WNK2: variants seen among roughly 807,000 people sequenced by gnomAD.
WNK2 encodes the protein serine/threonine-protein kinase WNK2.
A neutral mutation model predicts 192.1 loss-of-function variants in WNK2; 67 were observed. That is an observed-to-expected ratio of 0.35 (90% CI 0.29 to 0.43). WNK2 has a LOEUF of 0.43. Ranked by LOEUF, WNK2 falls within the 20% of genes least tolerant of loss-of-function variation. The probability of loss-of-function intolerance (pLI) is 1.00; values close to 1 mark genes in which losing one functional copy is unlikely to be tolerated. For missense variants in WNK2, 2,698 were observed against 3,089.7 expected (o/e 0.87, Z 3.01); for synonymous variants, 1,439 against 1,393.9 (o/e 1.03, Z -0.72).
At chr9:93,226,657 T>C (rs1228024404) in intron 2 of WNK2, among the ~76,000 whole-genome samples, 1 of 152,212 alleles carries the variant, frequency 6.6e-6, no homozygotes, top group Non-Finnish European at 1.5e-5. Context: ...TAACCATTAT[T>C]CTGATGGCAT....
chr9:93,310,463 A>G (rs796930530), intron 28 of WNK2, among the ~76,000 whole-genome samples: 6 of 152,194 alleles, frequency 3.9e-5, no homozygotes, highest in African/African-American at 1.4e-4. Flanking sequence ...ATATATATAT[A>G]TAAAACACAA....
intron 2 of WNK2, among the ~76,000 whole-genome samples, chr9:93,204,062 G>GC (rs1195201289): frequency 6.6e-6 from 1 of 152,072 alleles, no homozygotes; most frequent in Non-Finnish European, 1.5e-5. Flanking sequence ...TGGTGGGGGT[G>GC]TGGGGGCTGT....
In WNK2 at chr9:93,193,280, G is replaced by A. The variant is rs1397609179; in HGVS notation, c.681+7670G>A. Reference sequence around the variant, plus strand: ...GCCATGGGAGGGCACCTGTTTCTGCGAGCCTCGGTTTACCCTTTTGTGCAG... The same window carrying A: ...GCCATGGGAGGGCACCTGTTTCTGCAAGCCTCGGTTTACCCTTTTGTGCAG... On this transcript the variant is annotated intron_variant, in intron 2 of 29. Coordinates refer to ENST00000427277, the MANE Select transcript of WNK2 (RefSeq NM_006648.4). Among the ~76,000 whole-genome samples the A allele has an allele frequency of 2.6e-5, 4 of 152,190 alleles. No homozygotes were observed. The East Asian group carries it at 5.8e-4, about 22-fold the overall frequency.
chr9:93,254,418 G>A (rs372075470), intron 9 of WNK2, among the ~76,000 whole-genome samples: 5 of 152,176 alleles, frequency 3.3e-5, no homozygotes, highest in African/African-American at 4.8e-5. Context: ...TCGGCTGAGC[G>A]TGGGCACATG....
intron 5 of WNK2, among the ~76,000 whole-genome samples, 154 bp from the exon 6 acceptor site, chr9:93,238,079 T>G (rs1159025930): frequency 1.3e-5 from 2 of 152,202 alleles, no homozygotes; most frequent in African/African-American, 4.8e-5. Context: ...GTCATCCGTT[T>G]CACATATTTT....
intron 19 of WNK2, among the ~76,000 whole-genome samples, chr9:93,286,659 G>T (rs1426710078): frequency 6.6e-6 from 1 of 152,118 alleles, no homozygotes; most frequent in Non-Finnish European, 1.5e-5. Context: ...CCCACTGCTG[G>T]GTATATATTC....
chr9:93,188,041 G>A (rs2040093), intron 2 of WNK2, among the ~76,000 whole-genome samples: 2 of 151,592 alleles, frequency 1.3e-5, no homozygotes, highest in Admixed American at 6.6e-5. Context: ...GCACATGACC[G>A]CTAGCATTCT....
intron 19 of WNK2, among the ~76,000 whole-genome samples, chr9:93,274,340 G>A (rs1013630237): frequency 1.8e-4 from 27 of 151,912 alleles, no homozygotes; most frequent in Admixed American, 1.1e-3. Flanking sequence ...GTGAAACCCC[G>A]TCTCTACTAA....
chr9:93,215,879 T>G (rs1835652340), intron 2 of WNK2, among the ~76,000 whole-genome samples: 1 of 152,234 alleles, frequency 6.6e-6, no homozygotes, highest in Non-Finnish European at 1.5e-5. Flanking sequence ...CCTGATCTTC[T>G]TGGTCATTTT....
intron 9 of WNK2, 48 bp downstream of exon 9, chr9:93,253,130 G>T: frequency 7.5e-7 from 1 of 1,342,174 alleles, no homozygotes; most frequent in Non-Finnish European, 9.6e-7. Context: ...CCATTACCTG[G>T]TCTGAGGGCC....
Position 93,256,267 on chromosome 9 carries a change from G to C in WNK2, c.2035-32G>C, listed in dbSNP as rs374882825. On this transcript the variant is annotated intron_variant, in intron 9 of 29. Coordinates refer to ENST00000427277, the MANE Select transcript of WNK2 (RefSeq NM_006648.4). ...GGAGGGGGCCTGGTGGCCGAGAGCT[G>C]CTGCTGAGTGTGGCCCTGGTGCTCT... The C allele has an allele frequency of 3.7e-4, 553 of 1,475,976 alleles. 1 individual carries two copies. The highest frequency in any genetic ancestry group is 4.6e-4 in the Non-Finnish European group (509 of 1,114,572). 91.4% of individuals were successfully genotyped at this position (1,475,976 alleles called of 1,614,324 possible).
At chr9:93,205,882 G>A (rs1417145970) in intron 2 of WNK2, among the ~76,000 whole-genome samples, 1 of 152,126 alleles carries the variant, frequency 6.6e-6, no homozygotes, top group African/African-American at 2.4e-5. Flanking sequence ...GGGCCAGTGG[G>A]TCTCAGGCTC....
intron 6 of WNK2, 51 bp downstream of exon 6, chr9:93,238,372 A>T: frequency 6.5e-7 from 1 of 1,543,864 alleles, no homozygotes; most frequent in Non-Finnish European, 8.9e-7. Flanking sequence ...AGCTGAACTC[A>T]TTCCAGCTTG....
At position 93,247,807 on chromosome 9, in the gene WNK2, T is replaced by C. The variant is rs915397226; in HGVS notation, c.1807T>C (p.Leu603=). The change falls in exon 8 of 30, where the codon TTG becomes CTG. Residue 603 remains leucine (L), a synonymous_variant. Transcript: ENST00000427277. This position sits in a 1 kb window ranked among gnomAD's most constrained non-coding sequence, Gnocchi z 5.2. ...EADQHLLPPT[L]PTSATSLASD... ...CGACCAGCACCTCCTGCCACCTACG[T>C]TGCCGACCAGCGCCACCTCCCTGGC... 9 of 1,542,132 alleles carry C rather than the reference T, an allele frequency of 5.8e-6. No homozygotes were observed. In the African/African-American group the frequency reaches 9.6e-5, roughly 16 times the overall value.
At chr9:93,311,922 G>A (rs139878527) in intron 28 of WNK2, among the ~76,000 whole-genome samples, 1 of 152,136 alleles carries the variant, frequency 6.6e-6, no homozygotes, top group Non-Finnish European at 1.5e-5. Flanking sequence ...GCGCCACCGC[G>A]TTCAGCCATC....
At chr9:93,249,483 G>GT (rs796117004) in intron 8 of WNK2, among the ~76,000 whole-genome samples, 15 of 151,966 alleles carry the variant, frequency 9.9e-5, no homozygotes, top group Admixed American at 3.9e-4. Context: ...TTTTTTTGTT[G>GT]TTTTTTTTGA....
At position 93,267,861 on chromosome 9, in the gene WNK2, C is replaced by T. The variant is rs756986842; in HGVS notation, c.3812C>T (p.Ser1271Phe). 7 of 1,610,922 alleles carry T rather than the reference C, an allele frequency of 4.3e-6. No individual in the cohort carries two copies. The African/African-American group carries it at 5.3e-5, about 12-fold the overall frequency. Residue 1271 changes from serine (S) to phenylalanine (F), a missense_variant, in exon 17 of 30, where the codon TCC (serine) becomes TTC (phenylalanine). Around this residue, in one of 7 missense-constraint regions of WNK2, gnomAD observed 1,098 missense variants for 1,101.0 expected, o/e 1.00. Coordinates refer to ENST00000427277, the MANE Select transcript of WNK2 (RefSeq NM_006648.4). ...LSEDTDADRG[S>F]DPGTSPPHLS... is the part of the protein sequence containing the mutation. ...GAGGACACAGACGCCGACCGTGGCT[C>T]CGACCCAGGGACCAGCCCGCCACAC...
chr9:93,187,634 T>G (rs2130890152), intron 2 of WNK2, among the ~76,000 whole-genome samples: 1 of 152,160 alleles, frequency 6.6e-6, no homozygotes, highest in South Asian at 2.1e-4. Flanking sequence ...TCACAAACTG[T>G]GAGGACTGAG....
At chr9:93,316,012 T>A (rs1039433340) in intron 28 of WNK2, 5 of 152,236 alleles carry the variant, frequency 3.3e-5, no homozygotes, top group African/African-American at 1.2e-4. Flanking sequence ...ATCTGTTTTT[T>A]TCCTCTCTGC....
Sources: gnomAD v4.1 joint callset for allele counts (sites outside exome capture counted in the v4.1 genomes callset) on GRCh38, gnomAD v4.1.1 for gene constraint, gnomAD v4.1.1 regional missense constraint, Gnocchi (gnomAD v3.1) non-coding constraint, MANE v1.5 for transcripts, NCBI Gene and HGNC (gene_info 2026-07-23, HGNC 2026-07-21) for gene names.